Variants in RGS3 observed in about 807,000 individuals in gnomAD.
The protein encoded by RGS3 is regulator of G-protein signalling 3.
A neutral mutation model predicts 132.6 loss-of-function variants in RGS3; 80 were observed. The ratio of observed to expected loss-of-function variants is 0.60; its 90% confidence interval spans 0.50 to 0.73. The LOEUF is 0.73. RGS3 is among the 30% of genes least tolerant of loss of function. The pLI, the probability that RGS3 is intolerant of heterozygous loss-of-function variation, is 0.00. For synonymous variants in RGS3, 598 were observed against 620.6 expected, an observed-to-expected ratio of 0.96 and a Z score of 0.54; for missense variants, 1,382 against 1,530.8, an observed-to-expected ratio of 0.90 and a Z score of 1.62.
At chr9:113,549,509 T>C (rs1182189452) in intron 19 of RGS3, among the ~76,000 whole-genome samples, 1 of 152,186 alleles carries the variant, frequency 6.6e-6, no homozygotes. Context: ...ATCCATGTGA[T>C]TGATGTTTAT....
At chr9:113,485,525 G>A (rs2119233463) in intron 6 of RGS3, 100 bp from the exon 5 acceptor site, 10 of 800,096 alleles carry the variant, frequency 1.2e-5, no homozygotes, top group East Asian at 2.7e-5. Flanking sequence ...AGCTGTTGAC[G>A]TTACTTCCAC....
chr9:113,514,851 A>G (rs1445690306), intron 15 of RGS3, among the ~76,000 whole-genome samples, 197 bp downstream of exon 13: 1 of 152,074 alleles, frequency 6.6e-6, no homozygotes. Flanking sequence ...ACACAGGAAA[A>G]AGTGAGGCCG....
chr9:113,594,003 G>T lies in RGS3; in HGVS notation c.3081-427G>T, dbSNP rs760354911. On this transcript the variant is annotated intron_variant, in intron 21 of 24. Transcript: ENST00000350696. ...CAGAGGCTGTCCCTTGCAGACACAT[G>T]CCCCTTTCACGGCTCCCTCTCAGGG... The T allele has an allele frequency of 6.2e-6, 10 of 1,612,908 alleles. No homozygotes were observed. The East Asian group carries it at 2.0e-4, about 32-fold the overall frequency.
Position 113,514,406 on chromosome 9 carries a change from C to A in RGS3, c.1478-52C>A, listed in dbSNP as rs928335780. The A allele has an allele frequency of 3.3e-6, 5 of 1,524,522 alleles. 1 individual carries two copies. The highest frequency in any genetic ancestry group is 3.5e-5 in the Admixed American group (2 of 57,404). The allele number at this position is 1,524,522 out of a possible 1,614,324, so 94.4% of individuals were successfully genotyped here. On this transcript the variant is annotated intron_variant, in intron 14 of 24. Coordinates refer to ENST00000350696, the Ensembl canonical transcript of RGS3. Reference sequence around the variant, plus strand: ...GTCCCCTGTTTCTACAGAGGGGACACCTTTGCAGGAGTGACGGAAATGTCT... The same window carrying A: ...GTCCCCTGTTTCTACAGAGGGGACAACTTTGCAGGAGTGACGGAAATGTCT...
exon 14 of RGS3, chr9:113,508,566 A>C (rs1160872378): frequency 6.2e-7 from 1 of 1,612,376 alleles, no homozygotes; most frequent in South Asian, 1.1e-5. Context: ...TACCAGGAGG[A>C]TACCATCCCC....
intron 19 of RGS3, among the ~76,000 whole-genome samples, chr9:113,538,150 G>C (rs1348224704): frequency 3.9e-5 from 6 of 152,228 alleles, no homozygotes; most frequent in Non-Finnish European, 7.3e-5. Context: ...AATGAAATGA[G>C]AGGGTGCATA....
chr9:113,465,600 T>C (rs533561513), intron 3 of RGS3, among the ~76,000 whole-genome samples: 198 of 152,280 alleles, frequency 1.3e-3, no homozygotes, highest in Non-Finnish European at 2.2e-3. Flanking sequence ...CATTGGTCCA[T>C]GTTCTTCTAT....
At chr9:113,536,356 C>A in intron 18 of RGS3, 1 of 397,336 alleles carries the variant, frequency 2.5e-6, no homozygotes, top group Non-Finnish European at 3.4e-6. Context: ...CAGAGAAGAG[C>A]GCTGTGAGGA....
At chr9:113,497,044 A>C (rs1830708676) in intron 8 of RGS3, among the ~76,000 whole-genome samples, 2 of 152,158 alleles carry the variant, frequency 1.3e-5, no homozygotes, top group Non-Finnish European at 1.5e-5. Flanking sequence ...GCCTGTGCAC[A>C]ACTTAGTGGG....
intron 19 of RGS3, 195 bp from the exon 18 acceptor site, chr9:113,583,255 C>T: frequency 1.0e-6 from 1 of 988,426 alleles, no homozygotes; most frequent in Non-Finnish European, 1.4e-6. Context: ...GCAGAAAGTT[C>T]AAGCAAGAAG....
rs1355263333 is a variant in RGS3 at position 113,501,594 on chromosome 9, G to T, written c.897+3514G>T. ...CCGCAGCCATGAACCGCTTCAATGG[G>T]CTCTGCAAGGTGTGCTCGGAGCGCC... is the stretch of plus-strand genomic sequence containing the variant. On this transcript the variant is annotated intron_variant, in intron 10 of 24. Transcript: ENST00000350696. 7 of 1,559,062 alleles carry T rather than the reference G, an allele frequency of 4.5e-6. No individual in the cohort carries two copies. In the South Asian group the frequency reaches 4.7e-5, roughly 10 times the overall value.
In RGS3 at chr9:113,481,954, G is replaced by A. The variant is rs959498174; in HGVS notation, c.467-1105G>A. ...CCCGCTACTTGGCAGGCTGAGGCAGGAGAATCACTTGAACCCGGGAGGTGG... is the reference window on the plus strand; with the variant it reads ...CCCGCTACTTGGCAGGCTGAGGCAGAAGAATCACTTGAACCCGGGAGGTGG... On this transcript the variant is annotated intron_variant, in intron 4 of 24. Coordinates refer to ENST00000350696, the Ensembl canonical transcript of RGS3. Among the ~76,000 whole-genome samples the A allele has an allele frequency of 5.3e-5, 8 of 151,984 alleles. No homozygotes were observed. In the South Asian group the frequency reaches 1.2e-3, roughly 24 times the overall value.
exon 16 of RGS3, chr9:113,517,542 C>A: frequency 1.9e-6 from 3 of 1,613,016 alleles, no homozygotes; most frequent in Non-Finnish European, 2.5e-6. Context: ...TATTTCCAGC[C>A]TCTAGATCTC....
At position 113,515,144 on chromosome 9, in the gene RGS3, C is replaced by T. The variant is rs532358990; in HGVS notation, c.1674+490C>T. 1.1e-4 allele frequency among the ~76,000 whole-genome samples: 16 copies of T among 152,264 alleles called. No homozygotes were observed. The South Asian group carries it at 3.1e-3, about 30-fold the overall frequency. ...ATCGCTCTTATTCTCCAACGTCAAA[C>T]AAAGTGCTTGAAGAAAGATAATGAA... is the stretch of plus-strand genomic sequence containing the variant. On this transcript the variant is annotated intron_variant, in intron 15 of 24. Transcript: ENST00000350696.
intron 19 of RGS3, among the ~76,000 whole-genome samples, chr9:113,567,309 G>C (rs1834058406): frequency 6.7e-6 from 1 of 149,764 alleles, no homozygotes; most frequent in Non-Finnish European, 1.5e-5. Flanking sequence ...GAATGAGTCT[G>C]TCCATTGGTG....
At chr9:113,500,256 C>G (rs1415598344) in intron 10 of RGS3, among the ~76,000 whole-genome samples, 1 of 152,212 alleles carries the variant, frequency 6.6e-6, no homozygotes, top group Non-Finnish European at 1.5e-5. Context: ...CAGAGGCCAT[C>G]TCTTCAGCTC....
chr9:113,482,471 A>C (rs868516107), intron 4 of RGS3, among the ~76,000 whole-genome samples: 14 of 152,214 alleles, frequency 9.2e-5, no homozygotes, highest in African/African-American at 3.4e-4. Flanking sequence ...TCCACCCCTG[A>C]GGCCCCAGCT....
intron 19 of RGS3, 69 bp downstream of exon 17, chr9:113,536,987 C>T (rs1035502155): frequency 2.7e-6 from 4 of 1,498,510 alleles, no homozygotes; most frequent in Non-Finnish European, 3.7e-6. Flanking sequence ...ACCCTTGAGC[C>T]TCTGCATTGA....
chr9:113,574,224 G>A lies in RGS3; in HGVS notation c.2038-9226G>A, dbSNP rs1045656097. ...GCGCTAAGTAAACATTGCTTTCAGG[G>A]TAACGTTGGAATTCCTTAAAATATC... is the stretch of plus-strand genomic sequence containing the variant. On this transcript the variant is annotated intron_variant, in intron 19 of 24. Coordinates refer to ENST00000350696, the Ensembl canonical transcript of RGS3. Among the ~76,000 whole-genome samples the A allele has an allele frequency of 3.3e-5, 5 of 152,172 alleles. No individual in the cohort carries two copies. In the South Asian group the frequency reaches 8.3e-4, roughly 25 times the overall value.
Sources: allele counts gnomAD v4.1 joint callset (sites outside exome capture counted in the v4.1 genomes callset), GRCh38; gene constraint gnomAD v4.1.1; transcripts MANE v1.5; gene names NCBI Gene and HGNC (gene_info 2026-07-23, HGNC 2026-07-21).